Variants in WDPCP observed in about 807,000 individuals in gnomAD.
The protein encoded by WDPCP is WD repeat-containing and planar cell polarity effector protein fritz homolog.
In WDPCP, 71 loss-of-function variants were observed where a neutral mutation model predicts 93.1. That is an observed-to-expected ratio of 0.76 (90% CI 0.63 to 0.93). The LOEUF (loss-of-function observed/expected upper bound fraction) is 0.93. WDPCP is among the 40% of genes least tolerant of loss of function. The pLI is 0.00. For synonymous variants in WDPCP, 315 were observed against 315.0 expected (o/e 1.00, Z 0.00); for missense variants, 844 against 887.4 (o/e 0.95, Z 0.62).
intron 14 of WDPCP, among the ~76,000 whole-genome samples, chr2:63,184,940 A>G (rs1455006033): frequency 1.3e-5 from 2 of 152,152 alleles, no homozygotes; most frequent in African/African-American, 4.8e-5. Flanking sequence ...AGATTAATTC[A>G]AAGGATTTTC....
chr2:63,520,079 T>C (rs559366791), intron 1 of WDPCP, among the ~76,000 whole-genome samples: 1 of 152,262 alleles, frequency 6.6e-6, no homozygotes, highest in South Asian at 2.1e-4. Flanking sequence ...TACAGGAATT[T>C]CATAATTAAA....
At chr2:63,157,656 G>C (rs1386242765) in intron 15 of WDPCP, among the ~76,000 whole-genome samples, 1 of 152,004 alleles carries the variant, frequency 6.6e-6, no homozygotes, top group African/African-American at 2.4e-5. Flanking sequence ...AAACTATGTT[G>C]TTAAACTTAT....
At chr2:63,392,087 A>C (rs1169499387) in intron 10 of WDPCP, among the ~76,000 whole-genome samples, 24 of 152,220 alleles carry the variant, frequency 1.6e-4, no homozygotes, top group African/African-American at 5.5e-4. Flanking sequence ...AGACAATCCT[A>C]AGCAAAAAGA....
chr2:63,609,479 T>G (rs989604398), intron 3 of WDPCP, among the ~76,000 whole-genome samples: 3 of 152,200 alleles, frequency 2.0e-5, no homozygotes, highest in African/African-American at 7.2e-5. Flanking sequence ...TGGTTTCCTC[T>G]ATCATTACCT....
At chr2:63,662,072 T>C (rs1463409620) in intron 2 of WDPCP, among the ~76,000 whole-genome samples, 1 of 152,184 alleles carries the variant, frequency 6.6e-6, no homozygotes, top group Non-Finnish European at 1.5e-5. Flanking sequence ...TCACATAATC[T>C]AATCTTTTCA....
intron 1 of WDPCP, among the ~76,000 whole-genome samples, chr2:63,577,865 A>G (rs1156878263): frequency 2.6e-5 from 4 of 152,208 alleles, no homozygotes; most frequent in African/African-American, 9.6e-5. Flanking sequence ...TAAATACTGC[A>G]CTTTAAACAA....
At chr2:63,765,602 G>A (rs1370071877) in intron 2 of WDPCP, among the ~76,000 whole-genome samples, 2 of 152,202 alleles carry the variant, frequency 1.3e-5, no homozygotes, top group African/African-American at 4.8e-5. Context: ...TGTGTGGCCA[G>A]GTCACATGCC....
intron 1 of WDPCP, among the ~76,000 whole-genome samples, chr2:63,816,349 C>A (rs960687659): frequency 1.3e-5 from 2 of 151,982 alleles, no homozygotes; most frequent in Non-Finnish European, 2.9e-5. Context: ...AATAGTGACC[C>A]CCTAAAAGAT....
intron 2 of WDPCP, among the ~76,000 whole-genome samples, chr2:63,800,316 A>G (rs56342040): frequency 0.048 from 7,242 of 152,260 alleles, 304 homozygotes; most frequent in African/African-American, 0.1. Flanking sequence ...AGCTCCGTAC[A>G]GCTGCATTTC....
At chr2:63,378,093 G>A in intron 12 of WDPCP, 1 of 349,986 alleles carries the variant, frequency 2.9e-6, no homozygotes, top group South Asian at 3.3e-5. Flanking sequence ...TTTACTTAGT[G>A]CGAGTAGCAC....
intron 12 of WDPCP, among the ~76,000 whole-genome samples, chr2:63,323,427 C>A (rs1687277983): frequency 6.6e-6 from 1 of 152,290 alleles, no homozygotes; most frequent in East Asian, 1.9e-4. Flanking sequence ...GGGGGACTAT[C>A]TGGAATTTTA....
intron 13 of WDPCP, among the ~76,000 whole-genome samples, chr2:63,287,414 C>T (rs180966113): frequency 1.6e-4 from 24 of 152,166 alleles, no homozygotes; most frequent in Non-Finnish European, 2.6e-4. Flanking sequence ...CACTCACTCA[C>T]GCTACTCTTC....
intron 12 of WDPCP, among the ~76,000 whole-genome samples, chr2:63,364,738 TCTTA>T (rs1204913373): frequency 2.6e-5 from 4 of 152,346 alleles, no homozygotes; most frequent in Non-Finnish European, 5.9e-5. Context: ...TTCAATAACC[TCTTA>T]CTTATGAAGA....
At chr2:63,150,998 T>A (rs1671851416) in intron 17 of WDPCP, among the ~76,000 whole-genome samples, 1 of 152,212 alleles carries the variant, frequency 6.6e-6, no homozygotes, top group Non-Finnish European at 1.5e-5. Flanking sequence ...TATGAGTTAG[T>A]GCTAATCTGA....
At chr2:63,237,910 G>A (rs1218867121) in intron 14 of WDPCP, among the ~76,000 whole-genome samples, 3 of 151,638 alleles carry the variant, frequency 2.0e-5, no homozygotes, top group Admixed American at 6.6e-5. Flanking sequence ...GTCAATAGAA[G>A]CCGAAACCTC....
chr2:63,695,386 C>A (rs1367959907), intron 2 of WDPCP, among the ~76,000 whole-genome samples: 2 of 152,128 alleles, frequency 1.3e-5, no homozygotes, highest in African/African-American at 4.8e-5. Flanking sequence ...TAGATCAAAT[C>A]CTGCCATGCA....
At chr2:63,167,361 G>T (rs1338545842) in intron 15 of WDPCP, among the ~76,000 whole-genome samples, 2 of 151,924 alleles carry the variant, frequency 1.3e-5, no homozygotes, top group Admixed American at 1.3e-4. Context: ...AAGCTTTTGA[G>T]TTACAATTGT....
intron 1 of WDPCP, among the ~76,000 whole-genome samples, chr2:63,548,354 T>G (rs1047053897): frequency 6.6e-6 from 1 of 151,972 alleles, no homozygotes; most frequent in Non-Finnish European, 1.5e-5. Context: ...CAACTCACCA[T>G]GAAAAAACAA....
At chr2:63,527,827 T>G (rs1266109561) in intron 1 of WDPCP, among the ~76,000 whole-genome samples, 4 of 152,184 alleles carry the variant, frequency 2.6e-5, no homozygotes, top group South Asian at 2.1e-4. Flanking sequence ...CTAGTTTACA[T>G]TCCCACCAAC....
Sources: gnomAD v4.1 joint callset for allele counts (sites outside exome capture counted in the v4.1 genomes callset) on GRCh38, gnomAD v4.1.1 for gene constraint, MANE v1.5 for transcripts, NCBI Gene and HGNC (gene_info 2026-07-23, HGNC 2026-07-21) for gene names.